CELA1: variants seen among roughly 807,000 people sequenced by gnomAD.
CELA1 encodes the protein chymotrypsin-like elastase family member 1.
Under a neutral mutation model 34.8 loss-of-function variants are expected in CELA1, and 28 were observed. That is an observed-to-expected ratio of 0.80 (90% CI 0.60 to 1.10). The LOEUF (loss-of-function observed/expected upper bound fraction) is 1.10, where lower values mean the gene tolerates loss of function less well. Among genes scored for constraint, CELA1 ranks in the 50% least tolerant of loss-of-function variants. The probability of loss-of-function intolerance (pLI) is 0.00; values close to 1 mark genes in which losing one functional copy is unlikely to be tolerated. For synonymous variants in CELA1, 140 were observed against 129.8 expected (o/e 1.08, Z -0.53); for missense variants, 288 against 327.5 (o/e 0.88, Z 0.93).
At position 51,343,854 on chromosome 12, in the gene CELA1, CT is replaced by C. The variant is rs1470331747; in HGVS notation, c.100-2del. ...CTCCAGACCGGTACTGGAGGGAAAT[CT>C]AGATGGGGAGGAAAGAAAGAAGGGA... On this transcript the variant is annotated splice_acceptor_variant, in intron 2 of 7. Transcript: ENST00000293636. LOFTEE classifies it high-confidence loss of function. 1.3e-6 allele frequency: 2 copies of C among 1,541,352 alleles called. No homozygotes were observed. Among genetic ancestry groups the C allele is most frequent in the Admixed American group, 1.7e-5 (1 of 59,312 alleles).
Position 51,329,203 on chromosome 12 carries a change from G to A in CELA1, c.759+481C>T, listed in dbSNP as rs1315854332. Among the ~76,000 whole-genome samples, 3 of 145,998 alleles carry A rather than the reference G, an allele frequency of 2.1e-5. No homozygotes were observed. The Admixed American group carries it at 2.1e-4, about 10-fold the overall frequency. On this transcript the variant is annotated intron_variant, in intron 7 of 7. Transcript: ENST00000293636. ...CAGGAGGCAGAGGCTGCAGTGAGTC[G>A]AGATCAAGCCACTGCACTCCAGCCT...
intron 6 of CELA1, among the ~76,000 whole-genome samples, chr12:51,338,219 C>T (rs1252025476): frequency 6.9e-6 from 1 of 145,706 alleles, no homozygotes; most frequent in Non-Finnish European, 1.5e-5. Flanking sequence ...GTCTGGGCGA[C>T]AGAGTGAGAC....
At chr12:51,336,551 C>A (rs758873044) in intron 6 of CELA1, among the ~76,000 whole-genome samples, 3 of 152,144 alleles carry the variant, frequency 2.0e-5, no homozygotes, top group Non-Finnish European at 4.4e-5. Context: ...CACTTGAGCC[C>A]GTGAGACAGA....
At chr12:51,338,776 TG>T (rs1946515461) in intron 6 of CELA1, among the ~76,000 whole-genome samples, 1 of 152,202 alleles carries the variant, frequency 6.6e-6, no homozygotes. Flanking sequence ...GCACAATGCC[TG>T]GCATATAGTA....
At chr12:51,334,277 A>G (rs1323283316) in intron 6 of CELA1, among the ~76,000 whole-genome samples, 1 of 152,196 alleles carries the variant, frequency 6.6e-6, no homozygotes, top group Non-Finnish European at 1.5e-5. Flanking sequence ...AAGAGGTTGC[A>G]TTATGCATTA....
chr12:51,335,475 C>T (rs1473390995), intron 6 of CELA1, among the ~76,000 whole-genome samples: 4 of 152,030 alleles, frequency 2.6e-5, no homozygotes, highest in African/African-American at 9.7e-5. Flanking sequence ...AGGCTGGTCT[C>T]GAACTCCTGA....
intron 7 of CELA1, among the ~76,000 whole-genome samples, chr12:51,329,373 G>T (rs942127653): frequency 1.3e-5 from 2 of 152,062 alleles, no homozygotes; most frequent in Admixed American, 6.6e-5. Flanking sequence ...TTCTGAACCT[G>T]TTTTTCCCTG....
At chr12:51,341,476 A>C (rs1946534982) in intron 4 of CELA1, 96 bp from the exon 5 acceptor site, 2 of 1,408,918 alleles carry the variant, frequency 1.4e-6, no homozygotes, top group Non-Finnish European at 2.0e-6. Context: ...ATCCCCGTGG[A>C]ATTGGAAAGT....
rs57614420 is a variant in CELA1, at chr12:51,346,603, ACTGG to A, written c.16+16_16+19del. Reference sequence around the variant, plus strand: ...CTTACCATAAAGGACCAGGGTTGCGACTGGACCATATCCACTTACCATAAAGGAC... The same window carrying A: ...CTTACCATAAAGGACCAGGGTTGCGAACCATATCCACTTACCATAAAGGAC... On this transcript the variant is annotated intron_variant, in intron 1 of 7. Coordinates refer to ENST00000293636, the MANE Select transcript of CELA1 (RefSeq NM_001971.6). The A allele has an allele frequency of 0.39, 601,034 of 1,523,632 alleles. 132,862 individuals carry two copies. The highest frequency in any genetic ancestry group is 0.55 in the East Asian group (24,056 of 43,414). The allele number at this position is 1,523,632 out of a possible 1,614,324, so 94.4% of individuals were successfully genotyped here.
intron 6 of CELA1, among the ~76,000 whole-genome samples, chr12:51,338,255 T>C (rs11835578): frequency 2.3e-3 from 265 of 116,852 alleles, no homozygotes; most frequent in African/African-American, 6.0e-3. Flanking sequence ...AAAAAAAACA[T>C]ACACACACAC....
At chr12:51,339,769 A>G (rs1946522268) in intron 6 of CELA1, 91 bp downstream of exon 6, 6 of 1,309,416 alleles carry the variant, frequency 4.6e-6, no homozygotes, top group Non-Finnish European at 6.5e-6. Context: ...TAGGACTAAG[A>G]GTAAGTGTCG....
intron 5 of CELA1, 151 bp downstream of exon 5, chr12:51,341,093 C>T (rs868396026): frequency 2.8e-6 from 2 of 710,002 alleles, no homozygotes; most frequent in Non-Finnish European, 4.7e-6. Flanking sequence ...CCATTCTTAG[C>T]TTGATATAAT....
intron 6 of CELA1, among the ~76,000 whole-genome samples, chr12:51,339,561 AT>A (rs1427211684): frequency 6.6e-6 from 1 of 152,196 alleles, no homozygotes; most frequent in Non-Finnish European, 1.5e-5. Context: ...CAAAAAAAAA[AT>A]CTAGGTAACA....
intron 6 of CELA1, among the ~76,000 whole-genome samples, chr12:51,336,780 T>C (rs1396664768): frequency 1.3e-5 from 2 of 152,140 alleles, no homozygotes; most frequent in Non-Finnish European, 2.9e-5. Flanking sequence ...CTCCCCCAAA[T>C]CACTTAAACC....
chr12:51,331,573 G>A (rs549433524), intron 6 of CELA1, among the ~76,000 whole-genome samples: 116 of 152,302 alleles, frequency 7.6e-4, no homozygotes, highest in African/African-American at 2.6e-3. Flanking sequence ...GAAAACAAGA[G>A]GACCAGCTTA....
intron 6 of CELA1, among the ~76,000 whole-genome samples, chr12:51,335,812 A>T (rs1946497300): frequency 6.6e-6 from 1 of 150,618 alleles, no homozygotes; most frequent in African/African-American, 2.4e-5. Flanking sequence ...AATTTTTAAA[A>T]TTTTCATAGA....
chr12:51,334,147 A>G (rs1037211363), intron 6 of CELA1, among the ~76,000 whole-genome samples: 1 of 152,244 alleles, frequency 6.6e-6, no homozygotes, highest in Non-Finnish European at 1.5e-5. Context: ...AGTGGCAGCC[A>G]GAAGAAAAGT....
At chr12:51,338,631 G>A (rs1239515117) in intron 6 of CELA1, among the ~76,000 whole-genome samples, 1 of 152,086 alleles carries the variant, frequency 6.6e-6, no homozygotes, top group Non-Finnish European at 1.5e-5. Flanking sequence ...ACCTACCCTT[G>A]GGCTTCCATA....
In CELA1 at chr12:51,328,826, A is replaced by G. The variant is rs114141634; in HGVS notation, c.760-232T>C. ...GACCTTGAAATGGCCGTGAGCCAAG[A>G]TTAATACACAAGGCTCCAGAATGTG... On this transcript the variant is annotated intron_variant, in intron 7 of 7. Coordinates refer to ENST00000293636, the MANE Select transcript of CELA1 (RefSeq NM_001971.6). 2.3e-3 allele frequency among the ~76,000 whole-genome samples: 355 copies of G among 152,318 alleles called. 2 individuals are homozygous for G. Among genetic ancestry groups the G allele is most frequent in the African/African-American group, 8.1e-3 (336 of 41,562 alleles).
Sources: allele counts gnomAD v4.1 joint callset (sites outside exome capture counted in the v4.1 genomes callset), GRCh38; gene constraint gnomAD v4.1.1; transcripts MANE v1.5; gene names NCBI Gene and HGNC (gene_info 2026-07-23, HGNC 2026-07-21).